Variants in TSHZ2 observed in about 807,000 individuals in gnomAD.
The protein encoded by TSHZ2 is teashirt zinc finger homeobox 2, also known as teashirt homolog 2.
Under a neutral mutation model 74.4 loss-of-function variants are expected in TSHZ2, and 21 were observed. That is an observed-to-expected ratio of 0.28 (90% CI 0.20 to 0.41). The LOEUF is 0.41. Among genes scored for constraint, TSHZ2 ranks in the 10% least tolerant of loss-of-function variants. The pLI is 1.00. For synonymous variants in TSHZ2, 540 were observed against 515.3 expected, an observed-to-expected ratio of 1.05 and a Z score of -0.65; for missense variants, 1,244 against 1,293.5, an observed-to-expected ratio of 0.96 and a Z score of 0.59.
chr20:53,436,100 G>C (rs190407345), intron 2 of TSHZ2, among the ~76,000 whole-genome samples: 3 of 151,848 alleles, frequency 2.0e-5, no homozygotes, highest in African/African-American at 4.8e-5. Context: ...ATCTGGAATA[G>C]AGTGAGCACT....
At chr20:53,117,750 G>A (rs564925491) in intron 1 of TSHZ2, among the ~76,000 whole-genome samples, 44 of 152,334 alleles carry the variant, frequency 2.9e-4, no homozygotes, top group Admixed American at 4.6e-4. Context: ...TTTTAAAGCC[G>A]TAATCATGGC....
intron 1 of TSHZ2, among the ~76,000 whole-genome samples, chr20:52,986,433 AAAT>A (rs1981764361): frequency 1.3e-5 from 2 of 148,330 alleles, no homozygotes; most frequent in African/African-American, 5.0e-5. Context: ...GAAAGAAATG[AAAT>A]AATAATCTCA....
intron 1 of TSHZ2, among the ~76,000 whole-genome samples, chr20:53,116,800 A>G (rs538981503): frequency 4.6e-5 from 7 of 152,304 alleles, no homozygotes; most frequent in Admixed American, 6.5e-5. Flanking sequence ...GAGAAGGTCA[A>G]TGATACAGCT....
chr20:53,057,720 C>T (rs1026352913), intron 1 of TSHZ2, among the ~76,000 whole-genome samples: 1 of 152,142 alleles, frequency 6.6e-6, no homozygotes, highest in African/African-American at 2.4e-5. Flanking sequence ...CAGCCCTGGA[C>T]ACTCACAGAA....
chr20:53,081,490 C>T (rs1985532047), intron 1 of TSHZ2, among the ~76,000 whole-genome samples: 1 of 152,144 alleles, frequency 6.6e-6, no homozygotes, highest in Non-Finnish European at 1.5e-5. Context: ...CAAAAGCAAA[C>T]ACACACATAC....
intron 1 of TSHZ2, among the ~76,000 whole-genome samples, chr20:53,004,604 A>G (rs909747227): frequency 6.6e-5 from 10 of 152,178 alleles, no homozygotes; most frequent in African/African-American, 2.4e-4. Flanking sequence ...TAAATGCTGG[A>G]AGAGGAAGCC....
In TSHZ2 at chr20:53,256,052, T is replaced by C; in HGVS notation, c.2594T>C (p.Phe865Ser). ...CAAGCCCAGTTTGCCTCGAGCCTCT[T>C]CCAGACATCAGAGGGCAAATACCTG... ...ILQAQFASSLFQTSEGKYLLS... is the reference protein window; with the variant it reads ...ILQAQFASSLSQTSEGKYLLS... The change falls in exon 2 of 3, where the codon TTC becomes TCC. Residue 865 changes from phenylalanine to serine, a missense_variant. Phe to Ser is a radical substitution (Grantham distance 155). This residue lies in a region of TSHZ2 where 185 missense variants were observed against 213.3 expected (regional missense o/e 0.87). Transcript: ENST00000371497. The surrounding 1 kb of genome is among the most constrained non-coding windows in gnomAD (Gnocchi z 4.3). 1 of 1,613,712 alleles carries C rather than the reference T, an allele frequency of 6.2e-7. No homozygotes were observed. Among genetic ancestry groups the C allele is most frequent in the Non-Finnish European group, 8.5e-7 (1 of 1,179,702 alleles).
intron 1 of TSHZ2, among the ~76,000 whole-genome samples, chr20:53,236,548 C>G (rs1188335763): frequency 2.0e-5 from 3 of 152,208 alleles, no homozygotes; most frequent in Non-Finnish European, 4.4e-5. Context: ...CACAAGTAAG[C>G]TAGTACACAG....
In TSHZ2 at chr20:53,254,972, A is replaced by C; in HGVS notation, c.1514A>C (p.Asp505Ala). Residue 505 changes from aspartate to alanine, a missense_variant, in exon 2 of 3, where the codon GAC becomes GCC. Physicochemically the swap from Asp to Ala is moderately radical, Grantham distance 126. This residue lies in a region of TSHZ2 where 562 missense variants were observed against 544.0 expected (regional missense o/e 1.03). Transcript: ENST00000371497. ...TIKYQYLREE[D>A]LEDGSKGGGD... ...AAATATCAATACCTAAGGGAGGAAG[A>C]CTTGGAAGATGGCTCAAAGGGTGGA... 1.2e-6 allele frequency: 2 copies of C among 1,614,198 alleles called. No individual in the cohort carries two copies. The highest frequency in any genetic ancestry group is 1.7e-6 in the Non-Finnish European group (2 of 1,180,014).
chr20:53,098,835 T>C (rs1486751068), intron 1 of TSHZ2, among the ~76,000 whole-genome samples: 1 of 152,248 alleles, frequency 6.6e-6, no homozygotes, highest in Non-Finnish European at 1.5e-5. Context: ...CCTTGATTTA[T>C]TTAGTTTATC....
intron 1 of TSHZ2, among the ~76,000 whole-genome samples, chr20:53,140,629 A>C (rs1313500622): frequency 2.0e-5 from 3 of 150,744 alleles, no homozygotes; most frequent in Non-Finnish European, 4.4e-5. Context: ...TTAATTTCTG[A>C]TTCTGACCCC....
At chr20:53,068,141 T>C (rs960914984) in intron 1 of TSHZ2, among the ~76,000 whole-genome samples, 1 of 152,212 alleles carries the variant, frequency 6.6e-6, no homozygotes, top group Non-Finnish European at 1.5e-5. Flanking sequence ...CATCTTAAGC[T>C]GATTACACCT....
intron 2 of TSHZ2, among the ~76,000 whole-genome samples, chr20:53,336,517 C>T (rs1979954268): frequency 6.6e-6 from 1 of 152,164 alleles, no homozygotes; most frequent in Non-Finnish European, 1.5e-5. Flanking sequence ...AAGATGCATT[C>T]TGATTTTAGT....
At chr20:52,998,020 C>CG (rs1568711901) in intron 1 of TSHZ2, among the ~76,000 whole-genome samples, 29 of 152,292 alleles carry the variant, frequency 1.9e-4, no homozygotes, top group African/African-American at 7.0e-4. Context: ...AGAGGATGCT[C>CG]AGGGGGGGAT....
Position 53,446,591 on chromosome 20 carries a change from AAAAAG to A in TSHZ2, c.*9-40551_*9-40547del, listed in dbSNP as rs1200199647. Among the ~76,000 whole-genome samples, 35 of 151,312 alleles carry A rather than the reference AAAAAG, an allele frequency of 2.3e-4. No homozygotes were observed. The South Asian group carries it at 5.3e-3, about 23-fold the overall frequency. On this transcript the variant is annotated intron_variant, in intron 2 of 2. Coordinates refer to ENST00000371497, the MANE Select transcript of TSHZ2 (RefSeq NM_173485.6). ...GAGACTCTGTCGCAAAAAAAAAAAAAAAAAGAGAGAGAAGGAAAAACAAGGTCAGC... is the reference window on the plus strand; with the variant it reads ...GAGACTCTGTCGCAAAAAAAAAAAAAAGAGAGAAGGAAAAACAAGGTCAGC...
chr20:52,978,162 G>A (rs1170403882), intron 1 of TSHZ2, among the ~76,000 whole-genome samples: 1 of 152,140 alleles, frequency 6.6e-6, no homozygotes, highest in African/African-American at 2.4e-5. Flanking sequence ...GATAATACCT[G>A]AGTTGATCTG....
At chr20:53,210,174 A>G (rs1170284162) in intron 1 of TSHZ2, among the ~76,000 whole-genome samples, 1 of 152,214 alleles carries the variant, frequency 6.6e-6, no homozygotes, top group African/African-American at 2.4e-5. Context: ...CAGGTGCAGG[A>G]GCCCGAGTGG....
At chr20:53,123,430 AC>A (rs1986866688) in intron 1 of TSHZ2, among the ~76,000 whole-genome samples, 1 of 152,146 alleles carries the variant, frequency 6.6e-6, no homozygotes, top group Non-Finnish European at 1.5e-5. Flanking sequence ...TAGGGGATTG[AC>A]TATCGGTTGG....
At chr20:53,117,115 G>T (rs544961185) in intron 1 of TSHZ2, among the ~76,000 whole-genome samples, 67 of 146,138 alleles carry the variant, frequency 4.6e-4, no homozygotes, top group African/African-American at 1.7e-3. Context: ...CCTCATGAGG[G>T]CTCCACCTTC....
Sources: allele counts gnomAD v4.1 joint callset (sites outside exome capture counted in the v4.1 genomes callset), GRCh38; gene constraint gnomAD v4.1.1; regional missense constraint gnomAD v4.1.1; non-coding constraint Gnocchi (gnomAD v3.1); transcripts MANE v1.5; gene names NCBI Gene and HGNC (gene_info 2026-07-23, HGNC 2026-07-21).